CASS4: variants seen among roughly 807,000 people sequenced by gnomAD.
CASS4 encodes the protein Cas scaffold protein family member 4, also known as cas scaffolding protein family member 4.
In CASS4, 22 loss-of-function variants were observed where a neutral mutation model predicts 54.2. That is an observed-to-expected ratio of 0.41 (90% CI 0.29 to 0.58). CASS4 has a LOEUF of 0.58. CASS4 is among the 20% of genes least tolerant of loss of function. CASS4 has a pLI of 0.36. For synonymous variants in CASS4, 409 were observed against 391.5 expected, an observed-to-expected ratio of 1.04 and a Z score of -0.53; for missense variants, 854 against 986.7, an observed-to-expected ratio of 0.87 and a Z score of 1.80.
At position 56,452,474 on chromosome 20, in the gene CASS4, T is replaced by G; in HGVS notation, c.1298T>G (p.Leu433Arg). 2 of 1,613,576 alleles carry G rather than the reference T, an allele frequency of 1.2e-6. No homozygotes were observed. The highest frequency in any genetic ancestry group is 1.7e-6 in the Non-Finnish European group (2 of 1,179,710). ...SSSSEESAKE[L>R]SLDLDVAKET... is the part of the protein sequence containing the mutation. ...TCCTCGGAGGAGTCAGCAAAGGAGC[T>G]CTCCTTGGACCTGGATGTGGCCAAG... The change falls in exon 5 of 6, where the codon CTC (leucine) becomes CGC (arginine). Residue 433 changes from leucine (L) to arginine (R), a missense_variant. Leu to Arg is a moderately radical substitution (Grantham distance 102). Coordinates refer to ENST00000679887, the MANE Select transcript of CASS4 (RefSeq NM_020356.4).
chr20:56,434,915 G>A (rs1980084603), intron 1 of CASS4, among the ~76,000 whole-genome samples: 1 of 152,142 alleles, frequency 6.6e-6, no homozygotes, highest in Admixed American at 6.6e-5. Flanking sequence ...AGTTACCTGT[G>A]GTGGCAGCAC....
intron 3 of CASS4, among the ~76,000 whole-genome samples, chr20:56,447,876 C>T (rs1263250300): frequency 2.0e-5 from 3 of 152,188 alleles, no homozygotes; most frequent in Non-Finnish European, 2.9e-5. Context: ...GGCGCGGTGG[C>T]TCACGCCTGT....
chr20:56,421,381 C>G (rs190658288), intron 1 of CASS4, among the ~76,000 whole-genome samples: 13 of 152,110 alleles, frequency 8.5e-5, no homozygotes, highest in African/African-American at 3.1e-4. Flanking sequence ...CAGGCAGTTG[C>G]TAGACACAAA....
intron 2 of CASS4, among the ~76,000 whole-genome samples, chr20:56,441,229 G>T (rs1472504135): frequency 1.3e-5 from 2 of 151,332 alleles, no homozygotes; most frequent in Non-Finnish European, 2.9e-5. Context: ...CCTGACCTCA[G>T]GTGATCTGCC....
intron 3 of CASS4, among the ~76,000 whole-genome samples, chr20:56,448,635 C>G (rs1412829221): frequency 1.3e-5 from 2 of 152,170 alleles, no homozygotes; most frequent in Non-Finnish European, 2.9e-5. Context: ...CCAACTCCCT[C>G]TACAGAAACC....
intron 2 of CASS4, among the ~76,000 whole-genome samples, chr20:56,439,337 A>G (rs1272177581): frequency 6.6e-6 from 1 of 151,880 alleles, no homozygotes; most frequent in African/African-American, 2.4e-5. Flanking sequence ...CCTGGCCTAA[A>G]GTATCAATTT....
chr20:56,442,377 G>A (rs974057179), intron 2 of CASS4, among the ~76,000 whole-genome samples: 1 of 151,782 alleles, frequency 6.6e-6, no homozygotes, highest in Non-Finnish European at 1.5e-5. Context: ...CACAGCTGAT[G>A]AAGTACGACT....
rs774792011 is a variant in CASS4, at chr20:56,452,243, C to T, written c.1067C>T (p.Thr356Met). 22 of 1,613,928 alleles carry T rather than the reference C, an allele frequency of 1.4e-5. No homozygotes were observed. The highest frequency in any genetic ancestry group is 1.6e-4 in the Middle Eastern group (1 of 6,084). ...KPNIYDIPKA[T>M]SSVSQAGKEL... ...AATATTTATGACATCCCTAAAGCAA[C>T]GTCGAGTGTTTCTCAGGCTGGGAAG... The change falls in exon 5 of 6, where the codon ACG becomes ATG. Residue 356 changes from threonine to methionine, a missense_variant. Coordinates refer to ENST00000679887, the MANE Select transcript of CASS4 (RefSeq NM_020356.4).
At chr20:56,429,022 T>G (rs1388378209) in intron 1 of CASS4, among the ~76,000 whole-genome samples, 1 of 151,730 alleles carries the variant, frequency 6.6e-6, no homozygotes, top group African/African-American at 2.4e-5. Flanking sequence ...AAGCAAGCTG[T>G]GCATGTGGGC....
rs1979855290 is a variant in CASS4, at chr20:56,430,540, C to T, written c.37-6624C>T. Among the ~76,000 whole-genome samples the T allele has an allele frequency of 1.3e-5, 2 of 152,226 alleles. No individual in the cohort carries two copies. Among genetic ancestry groups the T allele is most frequent in the South Asian group, 4.1e-4 (2 of 4,838 alleles). On this transcript the variant is annotated intron_variant, in intron 1 of 5. Coordinates refer to ENST00000679887, the MANE Select transcript of CASS4 (RefSeq NM_020356.4). This position sits in a 1 kb window ranked among gnomAD's most constrained non-coding sequence, Gnocchi z 4.2. ...AATACCTTGTGAGTGGCCTCAGCAA[C>T]CATTGCAATGGTTACTGGATGCCTT...
intron 1 of CASS4, among the ~76,000 whole-genome samples, chr20:56,435,431 A>G (rs1443701371): frequency 1.3e-5 from 2 of 152,202 alleles, no homozygotes; most frequent in Non-Finnish European, 2.9e-5. Context: ...TAGTGGTGGG[A>G]TTATGGGTAA....
At position 56,453,229 on chromosome 20, in the gene CASS4, TG is replaced by T. The variant is rs373081629; in HGVS notation, c.1953+104del. ...GACTCTTTCCATAGTGTATAGGCTT[TG>T]GGGAGACACTGGTTCCATTTTCTAG... On this transcript the variant is annotated intron_variant, in intron 5 of 5. Coordinates refer to ENST00000679887, the MANE Select transcript of CASS4 (RefSeq NM_020356.4). The T allele has an allele frequency of 1.2e-4, 100 of 804,930 alleles. No individual in the cohort carries two copies. In the African/African-American group the frequency reaches 1.7e-3, roughly 13 times the overall value. The allele number at this position is 804,930 out of a possible 1,614,324, so 49.9% of individuals were successfully genotyped here. A position where few individuals can be genotyped will look rare whatever the true frequency, so the allele number is the denominator to read the frequency against.
chr20:56,433,074 G>A (rs539492633), intron 1 of CASS4, among the ~76,000 whole-genome samples: 17 of 152,378 alleles, frequency 1.1e-4, no homozygotes, highest in African/African-American at 4.1e-4. Context: ...CCTGGATCAT[G>A]GGACGCAGTC....
chr20:56,413,208 C>A (rs1886148999), intron 1 of CASS4, among the ~76,000 whole-genome samples: 1 of 149,574 alleles, frequency 6.7e-6, no homozygotes. Flanking sequence ...AAAATGGCTA[C>A]CATATTAAAA....
chr20:56,423,910 T>C (rs1454142900), intron 1 of CASS4, among the ~76,000 whole-genome samples: 2 of 152,200 alleles, frequency 1.3e-5, no homozygotes, highest in African/African-American at 4.8e-5. Flanking sequence ...TCCAGTTAAG[T>C]AACTTTCAGA....
chr20:56,449,865 A>C (rs143949951), intron 3 of CASS4, among the ~76,000 whole-genome samples: 2,217 of 152,196 alleles, frequency 0.015, 30 homozygotes, highest in Non-Finnish European at 0.023. Flanking sequence ...ATGAATGATA[A>C]AACAGGAAAA....
At chr20:56,418,631 G>A (rs1017959766) in intron 1 of CASS4, among the ~76,000 whole-genome samples, 4 of 152,218 alleles carry the variant, frequency 2.6e-5, no homozygotes, top group African/African-American at 4.8e-5. Context: ...CCATGGACAC[G>A]AAGGAGAATC....
intron 5 of CASS4, among the ~76,000 whole-genome samples, chr20:56,454,482 G>A (rs914661779): frequency 6.6e-6 from 1 of 152,164 alleles, no homozygotes; most frequent in Non-Finnish European, 1.5e-5. Context: ...CATGTTGATA[G>A]GCAAAATTCA....
At chr20:56,417,403 C>T (rs1979190004) in intron 1 of CASS4, among the ~76,000 whole-genome samples, 2 of 152,210 alleles carry the variant, frequency 1.3e-5, no homozygotes, top group Admixed American at 1.3e-4. Flanking sequence ...CAAGCATCGC[C>T]TCACCCAGAG....
Sources: allele counts gnomAD v4.1 joint callset (sites outside exome capture counted in the v4.1 genomes callset), GRCh38; gene constraint gnomAD v4.1.1; non-coding constraint Gnocchi (gnomAD v3.1); transcripts MANE v1.5; gene names NCBI Gene and HGNC (gene_info 2026-07-23, HGNC 2026-07-21).